Variants in SLC2A4 observed in about 807,000 individuals in gnomAD.
The protein encoded by SLC2A4 is solute carrier family 2, facilitated glucose transporter member 4.
SLC2A4 carries 31 observed loss-of-function variants against 53.3 expected under a neutral mutation model. The observed-to-expected ratio is 0.58, with a 90% confidence interval of 0.44 to 0.78. The LOEUF is 0.78. Among genes scored for constraint, SLC2A4 ranks in the 30% least tolerant of loss-of-function variants. SLC2A4 has a pLI of 0.00. For missense variants in SLC2A4, 538 were observed against 655.7 expected (o/e 0.82, Z 1.96); for synonymous variants, 276 against 281.9 (o/e 0.98, Z 0.21).
rs1337465517 is a variant in SLC2A4, at chr17:7,284,122, A to G, written c.564+33A>G. 5.6e-6 allele frequency: 9 copies of G among 1,610,072 alleles called. No individual in the cohort carries two copies. The highest frequency in any genetic ancestry group is 6.8e-6 in the Non-Finnish European group (8 of 1,177,064). ...GAGCAAGCCTCATGGGTGCCTGGGC[A>G]GTGGTTAGAGTGGGGCTCTGGAGAA... is the stretch of plus-strand genomic sequence containing the variant. On this transcript the variant is annotated intron_variant, in intron 5 of 10. Coordinates refer to ENST00000317370, the MANE Select transcript of SLC2A4 (RefSeq NM_001042.3). The surrounding 1 kb of genome is among the most constrained non-coding windows in gnomAD (Gnocchi z 7.5).
rs763975310 is a variant in SLC2A4, at chr17:7,284,331, C to A, written c.679C>A (p.Pro227Thr). Residue 227 changes from proline to threonine, a missense_variant, in exon 6 of 11, where the codon CCC becomes ACC. Transcript: ENST00000317370. The surrounding 1 kb of genome is among the most constrained non-coding windows in gnomAD (Gnocchi z 7.5). ...CCTGCTGCCCTTCTGTCCCGAGAGC[C>A]CCCGCTACCTCTACATCATCCAGAA... ...LVLLPFCPES[P>T]RYLYIIQNLE... 1.2e-6 allele frequency: 2 copies of A among 1,614,188 alleles called. No individual in the cohort carries two copies. The highest frequency in any genetic ancestry group is 2.2e-5 in the South Asian group (2 of 91,088).
chr17:7,285,142 G>T lies in SLC2A4; in HGVS notation c.1075G>T (p.Gly359Cys). 6.2e-7 allele frequency: 1 copy of T among 1,604,236 alleles called. No homozygotes were observed. Residue 359 changes from glycine to cysteine, a missense_variant, in exon 9 of 11, where the codon GGC becomes TGC. By Grantham distance (159) the Gly-to-Cys change is radical. Transcript: ENST00000317370. The surrounding 1 kb of genome is among the most constrained non-coding windows in gnomAD (Gnocchi z 6.0). ...GACGCTCCATCTCCTGGGCCTGGCG[G>T]GCATGTGTGGCTGTGCCATCCTGAT... The part of the protein sequence containing the change: ...RRTLHLLGLA[G>C]MCGCAILMTV...
rs2072451962 is a variant in SLC2A4 at position 7,286,542 on chromosome 17, T to C, written c.1443T>C (p.Ala481=). Residue 481 remains alanine, a synonymous_variant, in exon 11 of 11, where the codon GCT becomes GCC. Transcript: ENST00000317370. The part of the protein sequence containing the change: ...TRGRTFDQIS[A]AFHRTPSLLE... ...GCCGGACGTTTGACCAGATCTCAGC[T>C]GCCTTCCACCGGACACCCTCTCTTT... The C allele has an allele frequency of 1.2e-6, 2 of 1,614,072 alleles. No individual in the cohort carries two copies. The highest frequency in any genetic ancestry group is 1.6e-4 in the Middle Eastern group (1 of 6,084).
intron 1 of SLC2A4, 27 bp downstream of exon 1, chr17:7,281,994 CGGGGGGG>C: frequency 4.5e-6 from 1 of 223,010 alleles, no homozygotes; most frequent in Non-Finnish European, 8.9e-6. Context: ...GGGGGCGGGG[CGGGGGGG>C]CACGGGTCCC....
chr17:7,284,316 T>A lies in SLC2A4; in HGVS notation c.664T>A (p.Phe222Ile), dbSNP rs371607018. The change falls in exon 6 of 11, where the codon TTC becomes ATC. Residue 222 changes from phenylalanine (F) to isoleucine (I), a missense_variant. Coordinates refer to ENST00000317370, the MANE Select transcript of SLC2A4 (RefSeq NM_001042.3). This position sits in a 1 kb window ranked among gnomAD's most constrained non-coding sequence, Gnocchi z 7.5. The stretch of plus-strand genomic sequence containing the variant: ...CCTCCTGCAGCTGGTCCTGCTGCCC[T>A]TCTGTCCCGAGAGCCCCCGCTACCT... The part of the protein sequence containing the change: ...PALLQLVLLP[F>I]CPESPRYLYI... 1.4e-5 allele frequency: 22 copies of A among 1,614,048 alleles called. No homozygotes were observed. In the Admixed American group the frequency reaches 1.7e-4, roughly 12 times the overall value.
In SLC2A4 at chr17:7,284,737, A is replaced by C. The variant is rs1597600117; in HGVS notation, c.915+65A>C. The C allele has an allele frequency of 6.2e-7, 1 of 1,607,820 alleles. No individual in the cohort carries two copies. The highest frequency in any genetic ancestry group is 8.5e-7 in the Non-Finnish European group (1 of 1,174,490). On this transcript the variant is annotated intron_variant, in intron 7 of 10. Coordinates refer to ENST00000317370, the MANE Select transcript of SLC2A4 (RefSeq NM_001042.3). The surrounding 1 kb of genome is among the most constrained non-coding windows in gnomAD (Gnocchi z 7.5). ...GAGGGTAGACGAGAGTGGGGAGCAA[A>C]CCCCCTCCACCAACACCCAGGGTAG...
Position 7,285,822 on chromosome 17 carries a change from G to A in SLC2A4, c.1240G>A (p.Gly414Arg). The change falls in exon 10 of 11, where the codon GGA becomes AGA. Residue 414 changes from glycine to arginine, a missense_variant. By Grantham distance (125) the Gly-to-Arg change is moderately radical. Coordinates refer to ENST00000317370, the MANE Select transcript of SLC2A4 (RefSeq NM_001042.3). The surrounding 1 kb of genome is among the most constrained non-coding windows in gnomAD (Gnocchi z 6.0). ...WFIVAELFSQGPRPAAMAVAG... is the reference protein window; with the variant it reads ...WFIVAELFSQRPRPAAMAVAG... Reference sequence around the variant, plus strand: ...CATCGTGGCCGAGCTCTTCAGCCAGGGACCCCGCCCGGCAGCCATGGCTGT... The same window carrying A: ...CATCGTGGCCGAGCTCTTCAGCCAGAGACCCCGCCCGGCAGCCATGGCTGT... 6.2e-7 allele frequency: 1 copy of A among 1,614,204 alleles called. No individual in the cohort carries two copies. The highest frequency in any genetic ancestry group is 1.1e-5 in the South Asian group (1 of 91,086).
Position 7,286,595 on chromosome 17 carries a change from AAC to A in SLC2A4, c.1497_1498del (p.Glu499AspfsTer2). The A allele has an allele frequency of 6.2e-7, 1 of 1,614,102 alleles. No individual in the cohort carries two copies. The highest frequency in any genetic ancestry group is 8.5e-7 in the Non-Finnish European group (1 of 1,180,014). ...GAGCAGGAGGTGAAACCCAGCACAGAACTTGAGTATTTAGGGCCAGATGAGAA... is the reference window on the plus strand; with the variant it reads ...GAGCAGGAGGTGAAACCCAGCACAGATTGAGTATTTAGGGCCAGATGAGAA... On this transcript the variant is annotated frameshift_variant, in exon 11 of 11. Coordinates refer to ENST00000317370, the MANE Select transcript of SLC2A4 (RefSeq NM_001042.3). LOFTEE classifies it high-confidence loss of function.
Position 7,283,953 on chromosome 17 carries a change from C to G in SLC2A4, c.449-21C>G. 6.2e-7 allele frequency: 1 copy of G among 1,613,542 alleles called. No individual in the cohort carries two copies. Among genetic ancestry groups the G allele is most frequent in the Non-Finnish European group, 8.5e-7 (1 of 1,179,550 alleles). On this transcript the variant is annotated intron_variant, in intron 4 of 10. Transcript: ENST00000317370. The surrounding 1 kb of genome is among the most constrained non-coding windows in gnomAD (Gnocchi z 5.8). ...TGGGAATGGACACCTGCCCTCAGCCCTCTCTTCTTCCCTCGCCCAGGGCTG... is the reference window on the plus strand; with the variant it reads ...TGGGAATGGACACCTGCCCTCAGCCGTCTCTTCTTCCCTCGCCCAGGGCTG...
intron 10 of SLC2A4, 195 bp from the exon 11 acceptor site, chr17:7,286,231 G>A (rs951758268): frequency 1.4e-6 from 1 of 700,130 alleles, no homozygotes; most frequent in African/African-American, 1.8e-5. Context: ...CGAAAACTAA[G>A]AGTGTTTGGG....
Position 7,286,808 on chromosome 17 carries a change from G to A in SLC2A4, c.*179G>A, listed in dbSNP as rs1337129893. ...GTCTGAGCACCCCCTCATTCCCCTCGTGTGACTCTCTTGGATTATTTATGT... is the reference window on the plus strand; with the variant it reads ...GTCTGAGCACCCCCTCATTCCCCTCATGTGACTCTCTTGGATTATTTATGT... On this transcript the variant is annotated 3_prime_UTR_variant, in exon 11 of 11. Transcript: ENST00000317370. 16 of 640,206 alleles carry A rather than the reference G, an allele frequency of 2.5e-5. No homozygotes were observed. The highest frequency in any genetic ancestry group is 7.1e-5 in the South Asian group (4 of 56,650). The allele number at this position is 640,206 out of a possible 1,614,324, so 39.7% of individuals were successfully genotyped here.
rs1241458703 is a variant in SLC2A4, at chr17:7,286,686, C to T, written c.*57C>T. The T allele has an allele frequency of 4.6e-5, 65 of 1,420,484 alleles. No individual in the cohort carries two copies. The highest frequency in any genetic ancestry group is 6.1e-5 in the Non-Finnish European group (61 of 1,005,384). 88.0% of individuals were successfully genotyped at this position (1,420,484 alleles called of 1,614,324 possible). ...CTCTACCCGGCCCAGAGACCCCTTC[C>T]TTTCCTCTGCAGCACTTTAACCCTC... On this transcript the variant is annotated 3_prime_UTR_variant, in exon 11 of 11. Transcript: ENST00000317370.
rs771389905 is a variant in SLC2A4 at position 7,286,531 on chromosome 17, C to T, written c.1432C>T (p.Gln478Ter). The part of the protein sequence containing the change: ...VPETRGRTFD[Q>*]ISAAFHRTPS... Reference sequence around the variant, plus strand: ...TGAAACTCGAGGCCGGACGTTTGACCAGATCTCAGCTGCCTTCCACCGGAC... The same window carrying T: ...TGAAACTCGAGGCCGGACGTTTGACTAGATCTCAGCTGCCTTCCACCGGAC... The change falls in exon 11 of 11, where the codon CAG becomes TAG. Residue 478 changes from glutamine to a stop codon, truncating the protein, a stop_gained. Coordinates refer to ENST00000317370, the MANE Select transcript of SLC2A4 (RefSeq NM_001042.3). LOFTEE classifies it high-confidence loss of function. 6.2e-7 allele frequency: 1 copy of T among 1,614,070 alleles called. No individual in the cohort carries two copies. Among genetic ancestry groups the T allele is most frequent in the African/African-American group, 1.3e-5 (1 of 74,898 alleles).
In SLC2A4 at chr17:7,287,709, G is replaced by C. The variant is rs1045054647; in HGVS notation, c.*1080G>C. 5 of 152,250 alleles carry C rather than the reference G, an allele frequency of 3.3e-5. No individual in the cohort carries two copies. The highest frequency in any genetic ancestry group is 7.3e-5 in the Non-Finnish European group (5 of 68,068). 9.4% of individuals were successfully genotyped at this position (152,250 alleles called of 1,614,324 possible). A position where few individuals can be genotyped will look rare whatever the true frequency, so the allele number is the denominator to read the frequency against. On this transcript the variant is annotated 3_prime_UTR_variant, in exon 11 of 11. Transcript: ENST00000317370. The stretch of plus-strand genomic sequence containing the variant: ...ATTTGAAAGGCTGCCTGGAAACACT[G>C]GGCTGGGAGGAGCCTTTGGATATTT...
rs1373813442 is a variant in SLC2A4, at chr17:7,286,569, A to G, written c.1470A>G (p.Leu490=). ...CCTTCCACCGGACACCCTCTCTTTTAGAGCAGGAGGTGAAACCCAGCACAG... is the reference window on the plus strand; with the variant it reads ...CCTTCCACCGGACACCCTCTCTTTTGGAGCAGGAGGTGAAACCCAGCACAG... ...SAAFHRTPSL[L]EQEVKPSTEL... Residue 490 remains leucine (L), a synonymous_variant, in exon 11 of 11, where the codon TTA becomes TTG. Transcript: ENST00000317370. 49 of 1,614,054 alleles carry G rather than the reference A, an allele frequency of 3.0e-5. No homozygotes were observed. The highest frequency in any genetic ancestry group is 4.0e-5 in the Non-Finnish European group (47 of 1,180,040).
chr17:7,286,106 A>G, intron 10 of SLC2A4, 198 bp downstream of exon 10: 1 of 618,570 alleles, frequency 1.6e-6, no homozygotes, highest in Non-Finnish European at 2.8e-6. Context: ...GGTGTCTGAA[A>G]CGCACCAGTG....
rs1255139661 is a variant in SLC2A4 at position 7,282,223 on chromosome 17, C to T, written c.33+256C>T. ...CTGCGAGCCAGGGTTCACCCCCTTG[C>T]CTAGTAGGCGGCGCGGCGCTCCGGA... is the stretch of plus-strand genomic sequence containing the variant. On this transcript the variant is annotated intron_variant, in intron 1 of 10. Coordinates refer to ENST00000317370, the MANE Select transcript of SLC2A4 (RefSeq NM_001042.3). The surrounding 1 kb of genome is among the most constrained non-coding windows in gnomAD (Gnocchi z 4.1). 1.3e-5 allele frequency: 8 copies of T among 618,664 alleles called. No individual in the cohort carries two copies. Among genetic ancestry groups the T allele is most frequent in the Non-Finnish European group, 2.4e-5 (8 of 336,390 alleles). The allele number at this position is 618,664 out of a possible 1,614,324, so 38.3% of individuals were successfully genotyped here.
chr17:7,284,676 T>A lies in SLC2A4; in HGVS notation c.915+4T>A. Reference sequence around the variant, plus strand: ...GCAGCTCTCTGGCATCAATGCTGTATGTGTGGAGCAGCCTCCAGGCAGGGC... The same window carrying A: ...GCAGCTCTCTGGCATCAATGCTGTAAGTGTGGAGCAGCCTCCAGGCAGGGC... On this transcript the variant is annotated splice_donor_region_variant and intron_variant, in intron 7 of 10. Transcript: ENST00000317370. This position sits in a 1 kb window ranked among gnomAD's most constrained non-coding sequence, Gnocchi z 7.5. The A allele has an allele frequency of 6.2e-7, 1 of 1,613,874 alleles. No individual in the cohort carries two copies.
At position 7,287,012 on chromosome 17, in the gene SLC2A4, G is replaced by A. The variant is rs961702574; in HGVS notation, c.*383G>A. 2 of 293,058 alleles carry A rather than the reference G, an allele frequency of 6.8e-6. No individual in the cohort carries two copies. Among genetic ancestry groups the A allele is most frequent in the Admixed American group, 4.5e-5 (1 of 22,366 alleles). The allele number at this position is 293,058 out of a possible 1,614,324, so 18.2% of individuals were successfully genotyped here. On this transcript the variant is annotated 3_prime_UTR_variant, in exon 11 of 11. Transcript: ENST00000317370. ...TCTCAGTGGGACAAACCAGAGCAGAGAGCAGGACAGGAGACAAGAAATCCA... is the reference window on the plus strand; with the variant it reads ...TCTCAGTGGGACAAACCAGAGCAGAAAGCAGGACAGGAGACAAGAAATCCA...
Sources: gnomAD v4.1 joint callset for allele counts on GRCh38, gnomAD v4.1.1 for gene constraint, Gnocchi (gnomAD v3.1) non-coding constraint, MANE v1.5 for transcripts, NCBI Gene and HGNC (gene_info 2026-07-23, HGNC 2026-07-21) for gene names.